The following SLC1A1 variants were observed in gnomAD, a reference collection of about 807,000 sequenced individuals.
SLC1A1 encodes excitatory amino acid transporter 3.
Under a neutral mutation model 53.3 loss-of-function variants are expected in SLC1A1, and 43 were observed. The observed-to-expected ratio is 0.81, with a 90% CI of 0.63 to 1.04. SLC1A1 has a LOEUF of 1.04. Ranked by LOEUF, SLC1A1 falls within the 50% of genes least tolerant of loss-of-function variation. SLC1A1 has a pLI of 0.00. For synonymous variants in SLC1A1, 307 were observed against 243.2 expected (o/e 1.26, Z -2.44); for missense variants, 748 against 664.9 (o/e 1.12, Z -1.37).
intron 1 of SLC1A1, among the ~76,000 whole-genome samples, chr9:4,522,598 T>C (rs916496050): frequency 6.6e-6 from 1 of 152,106 alleles, no homozygotes; most frequent in East Asian, 1.9e-4. Context: ...GGGTAATTTA[T>C]AAAGGGAAGA....
At chr9:4,528,077 G>A (rs1227736559) in intron 1 of SLC1A1, among the ~76,000 whole-genome samples, 1 of 152,142 alleles carries the variant, frequency 6.6e-6, no homozygotes, top group Non-Finnish European at 1.5e-5. Context: ...TGTAGCTTCT[G>A]TTATGCCAGG....
intron 1 of SLC1A1, among the ~76,000 whole-genome samples, chr9:4,519,373 T>G: frequency 6.6e-6 from 1 of 152,210 alleles, no homozygotes; most frequent in East Asian, 1.9e-4. Flanking sequence ...CTCACTCAAG[T>G]TTTTAGATAA....
chr9:4,531,728 C>T (rs1038071431), intron 1 of SLC1A1, among the ~76,000 whole-genome samples: 1 of 152,188 alleles, frequency 6.6e-6, no homozygotes, highest in African/African-American at 2.4e-5. Context: ...CAGCACACAG[C>T]TGGACATCTG....
chr9:4,500,901 C>G (rs754160886), intron 1 of SLC1A1, among the ~76,000 whole-genome samples: 2 of 152,166 alleles, frequency 1.3e-5, no homozygotes, highest in African/African-American at 2.4e-5. Flanking sequence ...GCTTCATGTT[C>G]CTCTCCCAGG....
intron 1 of SLC1A1, among the ~76,000 whole-genome samples, chr9:4,517,291 C>T (rs1815884672): frequency 6.6e-6 from 1 of 152,168 alleles, no homozygotes; most frequent in Admixed American, 6.5e-5. Flanking sequence ...GTGTGAATTT[C>T]AAGGGTAGCT....
At chr9:4,543,274 A>C (rs1358802508) in intron 1 of SLC1A1, among the ~76,000 whole-genome samples, 1 of 152,212 alleles carries the variant, frequency 6.6e-6, no homozygotes, top group Non-Finnish European at 1.5e-5. Context: ...ATCCTCCTTG[A>C]ATCTTTCTGC....
rs1435381721 is a variant in SLC1A1 at position 4,490,783 on chromosome 9, GC to G, written c.91+14del. On this transcript the variant is annotated intron_variant, in intron 1 of 11. Transcript: ENST00000262352. ...GCGGTGGTGCTAGGTGAGCGGCGCG[GC>G]GGGTGGGCGATGCGCGCACCCTCAC... 16 of 1,606,368 alleles carry G rather than the reference GC, an allele frequency of 1.0e-5. No individual in the cohort carries two copies. Among genetic ancestry groups the G allele is most frequent in the Non-Finnish European group, 1.4e-5 (16 of 1,174,298 alleles).
In SLC1A1 at chr9:4,567,742, C is replaced by T. The variant is rs763214100; in HGVS notation, c.557C>T (p.Ala186Val). The change falls in exon 6 of 12, where the codon GCT becomes GTT. Residue 186 changes from alanine (A) to valine (V), a missense_variant. Coordinates refer to ENST00000262352, the MANE Select transcript of SLC1A1 (RefSeq NM_004170.6). ...AACATGACAGAAGAGTCCTTCACAG[C>T]TGTCATGACAACTGCAATTTCCAAG... is the stretch of plus-strand genomic sequence containing the variant. ...EMNMTEESFT[A>V]VMTTAISKNK... The T allele has an allele frequency of 1.9e-6, 3 of 1,610,846 alleles. No individual in the cohort carries two copies. The highest frequency in any genetic ancestry group is 2.2e-5 in the East Asian group (1 of 44,860).
intron 1 of SLC1A1, among the ~76,000 whole-genome samples, chr9:4,529,671 T>C (rs6476875): frequency 0.27 from 41,708 of 151,994 alleles, 7,002 homozygotes; most frequent in Admixed American, 0.39. Context: ...GCCTCTGCCA[T>C]CAGTCAAAAT....
At chr9:4,515,888 T>A (rs1246596077) in intron 1 of SLC1A1, among the ~76,000 whole-genome samples, 3 of 152,150 alleles carry the variant, frequency 2.0e-5, no homozygotes, top group Admixed American at 2.0e-4. Flanking sequence ...GTGTTTCCAG[T>A]ATGGGACAAG....
intron 1 of SLC1A1, among the ~76,000 whole-genome samples, chr9:4,520,268 A>G (rs555361399): frequency 6.6e-6 from 1 of 152,316 alleles, no homozygotes; most frequent in South Asian, 2.1e-4. Context: ...ATCTTTGGCA[A>G]TATTTGTGCT....
At chr9:4,523,335 G>C (rs989778108) in intron 1 of SLC1A1, among the ~76,000 whole-genome samples, 2 of 150,948 alleles carry the variant, frequency 1.3e-5, no homozygotes, top group Admixed American at 6.6e-5. Flanking sequence ...AATTTCAGAA[G>C]ATACCAAATG....
chr9:4,514,454 C>A (rs921339693), intron 1 of SLC1A1, among the ~76,000 whole-genome samples: 34 of 152,142 alleles, frequency 2.2e-4, no homozygotes, highest in African/African-American at 8.0e-4. Flanking sequence ...CAGAGCCTCC[C>A]TGGTTATCTG....
At chr9:4,532,302 TA>T (rs1233744436) in intron 1 of SLC1A1, among the ~76,000 whole-genome samples, 1 of 151,898 alleles carries the variant, frequency 6.6e-6, no homozygotes, top group African/African-American at 2.4e-5. Flanking sequence ...GCTAAGAAGT[TA>T]AAAACCTTGA....
At chr9:4,555,716 G>A (rs1277149744) in intron 2 of SLC1A1, among the ~76,000 whole-genome samples, 2 of 152,138 alleles carry the variant, frequency 1.3e-5, no homozygotes, top group South Asian at 2.1e-4. Flanking sequence ...AACTGGAATC[G>A]TGCTCTTCTT....
chr9:4,551,244 A>G (rs1817903179), intron 2 of SLC1A1, among the ~76,000 whole-genome samples: 1 of 152,140 alleles, frequency 6.6e-6, no homozygotes, highest in Non-Finnish European at 1.5e-5. Flanking sequence ...GTATTCATTT[A>G]CTCAGAGGCA....
intron 1 of SLC1A1, among the ~76,000 whole-genome samples, chr9:4,534,050 G>A (rs185915603): frequency 1.6e-4 from 25 of 152,188 alleles, no homozygotes; most frequent in Admixed American, 9.8e-4. Context: ...TCTGGGACAC[G>A]TTCAAAGCAG....
intron 1 of SLC1A1, among the ~76,000 whole-genome samples, chr9:4,514,632 G>C (rs1327390538): frequency 6.6e-6 from 1 of 152,064 alleles, no homozygotes; most frequent in East Asian, 1.9e-4. Context: ...AACTGACACA[G>C]TGGGCATGGT....
At chr9:4,578,804 T>G (rs1820798035) in intron 10 of SLC1A1, among the ~76,000 whole-genome samples, 1 of 152,238 alleles carries the variant, frequency 6.6e-6, no homozygotes, top group African/African-American at 2.4e-5. Flanking sequence ...CAGAATAGTT[T>G]CATCATTGCA....
Sources: allele counts gnomAD v4.1 joint callset (sites outside exome capture counted in the v4.1 genomes callset), GRCh38; gene constraint gnomAD v4.1.1; transcripts MANE v1.5; gene names NCBI Gene and HGNC (gene_info 2026-07-23, HGNC 2026-07-21).